The following AFF2 variants were observed in gnomAD, a reference collection of about 807,000 sequenced individuals.
AFF2 encodes the protein AF4/FMR2 family member 2.
A neutral mutation model predicts 76.9 loss-of-function variants in AFF2; 14 were observed. The ratio of observed to expected loss-of-function variants is 0.18; its 90% CI spans 0.12 to 0.28. The LOEUF (loss-of-function observed/expected upper bound fraction) is 0.28, where lower values mean the gene tolerates loss of function less well. AFF2 is among the 10% of genes least tolerant of loss of function. The probability of loss-of-function intolerance (pLI) is 1.00; values close to 1 mark genes in which losing one functional copy is unlikely to be tolerated. For missense variants in AFF2, 868 were observed against 1,001.1 expected (o/e 0.87, Z 1.79); for synonymous variants, 398 against 366.7 (o/e 1.09, Z -0.98).
chrX:148,784,495 A>AG (rs2069787940), intron 3 of AFF2, among the ~76,000 whole-genome samples: 1 of 111,892 alleles, frequency 8.9e-6, no homozygotes, highest in Non-Finnish European at 1.9e-5. Context: ...GCATTATGGC[A>AG]GGGGTGCCTG....
intron 3 of AFF2, among the ~76,000 whole-genome samples, chrX:148,739,974 G>A (rs934516129): frequency 8.9e-5 from 10 of 111,737 alleles, no homozygotes; most frequent in East Asian, 2.8e-4. Context: ...TGAAGATAGC[G>A]CCCCAATCCC....
intron 13 of AFF2, 87 bp from the exon 14 acceptor site, chrX:148,966,701 TCG>T (rs1557288745): frequency 8.8e-7 from 1 of 1,139,935 alleles, no homozygotes; most frequent in Non-Finnish European, 1.2e-6. Flanking sequence ...TTGCCTTCTT[TCG>T]TAACGTGCTT....
At chrX:148,665,721 C>A (rs1241452596) in intron 3 of AFF2, among the ~76,000 whole-genome samples, 1 of 111,684 alleles carries the variant, frequency 9.0e-6, no homozygotes, top group African/African-American at 3.3e-5. Flanking sequence ...CCTATTAAAT[C>A]TTGATGCACT....
intron 1 of AFF2, among the ~76,000 whole-genome samples, chrX:148,574,998 G>A (rs782294234): frequency 1.3e-4 from 14 of 107,978 alleles, no homozygotes; most frequent in African/African-American, 4.4e-4. Context: ...GAGAGAGACT[G>A]AGCACTGGAC....
At chrX:148,769,871 T>A (rs2069564815) in intron 3 of AFF2, among the ~76,000 whole-genome samples, 1 of 111,699 alleles carries the variant, frequency 9.0e-6, no homozygotes, top group Admixed American at 9.5e-5. Context: ...AAGTGCATTT[T>A]GCAAACCAAT....
chrX:148,846,892 T>A (rs1212540477), intron 7 of AFF2, among the ~76,000 whole-genome samples: 1 of 111,847 alleles, frequency 8.9e-6, no homozygotes, highest in Non-Finnish European at 1.9e-5. Flanking sequence ...CTTTGTAGTT[T>A]CTCTTTCTTT....
In AFF2 at chrX:148,981,575, G is replaced by A. The variant is rs193210236; in HGVS notation, c.3623+785G>A. ...CGAATCCCAGTTCTGTGTCAGCTGT[G>A]AAGTTAGCTAACTTGCCTGAGCATC... On this transcript the variant is annotated intron_variant, in intron 19 of 20. Coordinates refer to ENST00000370460, the MANE Select transcript of AFF2 (RefSeq NM_002025.4). Among the ~76,000 whole-genome samples, 39 of 111,364 alleles carry A rather than the reference G, an allele frequency of 3.5e-4. No homozygotes were observed. In the East Asian group the frequency reaches 9.9e-3, roughly 28 times the overall value.
intron 1 of AFF2, among the ~76,000 whole-genome samples, chrX:148,611,286 C>G (rs2053729469): frequency 8.9e-6 from 1 of 112,006 alleles, no homozygotes; most frequent in East Asian, 2.8e-4. Flanking sequence ...GCTTTGCTGT[C>G]TTGTCTCCAA....
intron 3 of AFF2, among the ~76,000 whole-genome samples, chrX:148,710,704 A>C (rs782701220): frequency 1.8e-5 from 2 of 112,223 alleles, no homozygotes; most frequent in South Asian, 7.3e-4. Flanking sequence ...GTAGTGCATT[A>C]ACCTCATGTA....
At chrX:148,663,206 T>C (rs1319430923) in intron 3 of AFF2, among the ~76,000 whole-genome samples, 1 of 112,003 alleles carries the variant, frequency 8.9e-6, no homozygotes, top group Non-Finnish European at 1.9e-5. Flanking sequence ...AGTAGAAGAA[T>C]GTAGAACTGT....
chrX:148,635,619 A>G (rs782223966), intron 1 of AFF2, among the ~76,000 whole-genome samples: 93 of 111,824 alleles, frequency 8.3e-4, no homozygotes, highest in African/African-American at 3.0e-3. Context: ...GGAATAAGTG[A>G]CGTTGAAGAG....
chrX:148,709,209 A>G (rs1247960754), intron 3 of AFF2, among the ~76,000 whole-genome samples: 2 of 112,023 alleles, frequency 1.8e-5, no homozygotes, highest in African/African-American at 6.5e-5. Context: ...CTTATTCAAT[A>G]AAATACTAAA....
intron 1 of AFF2, among the ~76,000 whole-genome samples, chrX:148,577,971 C>T (rs187463869): frequency 7.1e-5 from 8 of 112,360 alleles, no homozygotes; most frequent in African/African-American, 1.9e-4. Context: ...AGCTCCTCTG[C>T]GATTCTTTTT....
intron 3 of AFF2, among the ~76,000 whole-genome samples, chrX:148,691,214 G>C (rs1429855129): frequency 9.0e-6 from 1 of 111,674 alleles, no homozygotes; most frequent in African/African-American, 3.3e-5. Flanking sequence ...TAAATGAATT[G>C]GTCCAACATA....
chrX:148,697,809 C>A (rs2054738610), intron 3 of AFF2, among the ~76,000 whole-genome samples: 1 of 111,960 alleles, frequency 8.9e-6, no homozygotes, highest in African/African-American at 3.2e-5. Flanking sequence ...GCAACAGAGT[C>A]CAGCCCAGGG....
At chrX:148,552,797 A>G (rs1256473139) in intron 1 of AFF2, among the ~76,000 whole-genome samples, 6 of 111,973 alleles carry the variant, frequency 5.4e-5, no homozygotes, top group African/African-American at 2.0e-4. Flanking sequence ...AGAGCTTTAG[A>G]TTTTTCTCTA....
chrX:148,848,077 C>T (rs1557274925), intron 7 of AFF2, among the ~76,000 whole-genome samples: 1 of 110,751 alleles, frequency 9.0e-6, no homozygotes, highest in Non-Finnish European at 1.9e-5. Flanking sequence ...GTCTCTCATC[C>T]TGCTGAGTTG....
At chrX:148,666,511 G>A (rs1355641300) in intron 3 of AFF2, among the ~76,000 whole-genome samples, 1 of 110,074 alleles carries the variant, frequency 9.1e-6, no homozygotes, top group Admixed American at 9.8e-5. Context: ...CTTGAACCCG[G>A]GAGGCAGAGG....
At chrX:148,588,008 T>C (rs2053485546) in intron 1 of AFF2, among the ~76,000 whole-genome samples, 1 of 112,345 alleles carries the variant, frequency 8.9e-6, no homozygotes, top group Admixed American at 9.4e-5. Flanking sequence ...TTAGGGAGCA[T>C]AGGTGTGCTT....
Sources: gnomAD v4.1 joint callset for allele counts (sites outside exome capture counted in the v4.1 genomes callset) on GRCh38, gnomAD v4.1.1 for gene constraint, MANE v1.5 for transcripts, NCBI Gene and HGNC (gene_info 2026-07-23, HGNC 2026-07-21) for gene names.